PRRC2A: variants seen among roughly 807,000 people sequenced by gnomAD.
PRRC2A encodes proline rich coiled-coil 2A.
PRRC2A carries 59 observed loss-of-function variants against 224.6 expected under a neutral mutation model. That is an observed-to-expected ratio of 0.26 (90% CI 0.21 to 0.33). The LOEUF (loss-of-function observed/expected upper bound fraction) is 0.33. Among genes scored for constraint, PRRC2A ranks in the 10% least tolerant of loss-of-function variants. The probability of loss-of-function intolerance (pLI) is 1.00; values close to 1 mark genes in which losing one functional copy is unlikely to be tolerated. For missense variants in PRRC2A, 3,095 were observed against 2,880.7 expected (o/e 1.07, Z -1.70); for synonymous variants, 1,194 against 1,109.5 (o/e 1.08, Z -1.51).
intron 15 of PRRC2A, 49 bp downstream of exon 15, chr6:31,630,850 G>A (rs745900764): frequency 1.3e-5 from 20 of 1,591,778 alleles, no homozygotes; most frequent in Admixed American, 1.7e-5. Flanking sequence ...AAAGGATCTA[G>A]GCCTGGGAGA....
At position 31,634,229 on chromosome 6, in the gene PRRC2A, T is replaced by C. The variant is rs750063368; in HGVS notation, c.4720-7T>C. ...CATGTTTTGCTTCTGGCCCTTCTCA[T>C]CTGTAGGAATCTTTGCCACCTCCTC... On this transcript the variant is annotated splice_polypyrimidine_tract_variant and splice_region_variant and intron_variant, in intron 18 of 30. Transcript: ENST00000376033. The C allele has an allele frequency of 6.3e-7, 1 of 1,581,518 alleles. No individual in the cohort carries two copies. Among genetic ancestry groups the C allele is most frequent in the South Asian group, 1.2e-5 (1 of 86,828 alleles).
Position 31,629,298 on chromosome 6 carries a change from G to C in PRRC2A, c.1920G>C (p.Gln640His), listed in dbSNP as rs1172952274. The change falls in exon 13 of 31, where the codon CAG becomes CAC. Residue 640 changes from glutamine to histidine, a missense_variant. Physicochemically the swap from Gln to His is conservative, Grantham distance 24. Transcript: ENST00000376033. ...AGGGCTTGGGCTACCCCAAATATCAGAAGTCGTTGCCTCCTCGTTTCCAGC... is the reference window on the plus strand; with the variant it reads ...AGGGCTTGGGCTACCCCAAATATCACAAGTCGTTGCCTCCTCGTTTCCAGC... ...PSQGLGYPKY[Q>H]KSLPPRFQRQ... The C allele has an allele frequency of 6.3e-7, 1 of 1,583,342 alleles. No individual in the cohort carries two copies. Among genetic ancestry groups the C allele is most frequent in the Non-Finnish European group, 8.6e-7 (1 of 1,164,738 alleles).
rs771842295 is a variant in PRRC2A at position 31,623,866 on chromosome 6, G to A, written c.247G>A (p.Gly83Arg). The change falls in exon 3 of 31, where the codon GGA becomes AGA. Residue 83 changes from glycine (G) to arginine (R), a missense_variant. Coordinates refer to ENST00000376033, the MANE Select transcript of PRRC2A (RefSeq NM_004638.4). Reference sequence around the variant, plus strand: ...CAATGTCTCACTAGTGCCAAAAGACGGAACAGGATGGGCAAGCAAACAGGA... The same window carrying A: ...CAATGTCTCACTAGTGCCAAAAGACAGAACAGGATGGGCAAGCAAACAGGA... ...DPNVSLVPKD[G>R]TGWASKQEQS... 4 of 1,614,084 alleles carry A rather than the reference G, an allele frequency of 2.5e-6. No individual in the cohort carries two copies. Among genetic ancestry groups the A allele is most frequent in the East Asian group, 2.2e-5 (1 of 44,896 alleles).
intron 15 of PRRC2A, 97 bp downstream of exon 15, chr6:31,630,898 G>C: frequency 6.9e-7 from 1 of 1,452,718 alleles, no homozygotes; most frequent in Non-Finnish European, 9.4e-7. Flanking sequence ...AGGGATGAAC[G>C]GGAAAGGAGA....
At position 31,623,738 on chromosome 6, in the gene PRRC2A, C is replaced by T; in HGVS notation, c.119C>T (p.Pro40Leu). Residue 40 changes from proline to leucine, a missense_variant, in exon 3 of 31, where the codon CCT becomes CTT. By Grantham distance (98) the Pro-to-Leu change is moderately conservative. Transcript: ENST00000376033. ...TCTCCGTCTTGTTCTCCAGTTGCCC[C>T]TCGCCATGGCCTGCAGAGTCTCGGG... ...SLEIQKPAVA[P>L]RHGLQSLGKV... 1 of 1,614,122 alleles carries T rather than the reference C, an allele frequency of 6.2e-7. No homozygotes were observed. Among genetic ancestry groups the T allele is most frequent in the Non-Finnish European group, 8.5e-7 (1 of 1,179,980 alleles).
At chr6:31,621,740 C>T (rs1403031594) in intron 1 of PRRC2A, among the ~76,000 whole-genome samples, 1 of 152,208 alleles carries the variant, frequency 6.6e-6, no homozygotes, top group African/African-American at 2.4e-5. Context: ...TTCTTCCCCA[C>T]TATTTCTCAT....
chr6:31,621,789 C>T (rs1321375088), intron 1 of PRRC2A, among the ~76,000 whole-genome samples: 1 of 152,174 alleles, frequency 6.6e-6, no homozygotes, highest in Non-Finnish European at 1.5e-5. Flanking sequence ...AATGCCTGGT[C>T]ACTCTGGAAT....
At position 31,622,861 on chromosome 6, in the gene PRRC2A, T is replaced by A; in HGVS notation, c.72T>A (p.Asp24Glu). 1 of 1,614,038 alleles carries A rather than the reference T, an allele frequency of 6.2e-7. No homozygotes were observed. Among genetic ancestry groups the A allele is most frequent in the Admixed American group, 1.7e-5 (1 of 59,964 alleles). ...GKKYSSLNLF[D>E]TYKGKSLEIQ... ...AGTATTCCTCGCTCAACCTGTTTGATACGTATAAGGGCAAGTCCTTAGAGA... is the reference window on the plus strand; with the variant it reads ...AGTATTCCTCGCTCAACCTGTTTGAAACGTATAAGGGCAAGTCCTTAGAGA... The change falls in exon 2 of 31, where the codon GAT (aspartate) becomes GAA (glutamate). Residue 24 changes from aspartate (D) to glutamate (E), a missense_variant. Asp to Glu is a conservative substitution (Grantham distance 45). Transcript: ENST00000376033.
In PRRC2A at chr6:31,629,076, A is replaced by T. The variant is rs1776239129; in HGVS notation, c.1766-68A>T. 3 of 1,493,816 alleles carry T rather than the reference A, an allele frequency of 2.0e-6. No individual in the cohort carries two copies. The Admixed American group carries it at 5.2e-5, about 26-fold the overall frequency. The allele number at this position is 1,493,816 out of a possible 1,614,324, so 92.5% of individuals were successfully genotyped here. On this transcript the variant is annotated intron_variant, in intron 12 of 30. Transcript: ENST00000376033. ...AAGGGAGCTAGAGATGAGACGTGAG[A>T]TTCCTGGGGTGTTCATGGAGTGTCT... is the stretch of plus-strand genomic sequence containing the variant.
rs1408128211 is a variant in PRRC2A, at chr6:31,635,165, C to T, written c.5194C>T (p.Pro1732Ser). 6.2e-7 allele frequency: 1 copy of T among 1,612,784 alleles called. No individual in the cohort carries two copies. Among genetic ancestry groups the T allele is most frequent in the Admixed American group, 1.7e-5 (1 of 59,990 alleles). ...LPREQPLPPG[P>S]IGTERSQRTD... ...CCGGGAGCAGCCTCTGCCCCCTGGC[C>T]CCATTGGCACAGAACGATCACAGCG... The change falls in exon 22 of 31, where the codon CCC (proline) becomes TCC (serine). Residue 1732 changes from proline (P) to serine (S), a missense_variant. Pro to Ser is a moderately conservative substitution (Grantham distance 74, BLOSUM62 -1). Coordinates refer to ENST00000376033, the MANE Select transcript of PRRC2A (RefSeq NM_004638.4).
chr6:31,630,249 G>A (rs2736162), intron 14 of PRRC2A, among the ~76,000 whole-genome samples: 3 of 152,204 alleles, frequency 2.0e-5, no homozygotes, highest in Non-Finnish European at 2.9e-5. Context: ...CCCAGGAGGT[G>A]GAGGTTGTAG....
In PRRC2A at chr6:31,628,202, C is replaced by T; in HGVS notation, c.1728C>T (p.Thr576=). The change falls in exon 12 of 31, where the codon ACC becomes ACT. Residue 576 remains threonine, a synonymous_variant. Transcript: ENST00000376033. ...CTCTGGTGAGTGGTGGTGGCAGTAC[C>T]AGTAGCACCAGCAGTGGCAGCTTCG... ...APTLVSGGGS[T]SSTSSGSFEA... The T allele has an allele frequency of 6.2e-7, 1 of 1,612,564 alleles. No individual in the cohort carries two copies. Among genetic ancestry groups the T allele is most frequent in the Non-Finnish European group, 8.5e-7 (1 of 1,179,954 alleles).
chr6:31,636,322 G>A lies in PRRC2A; in HGVS notation c.5738G>A (p.Gly1913Glu), dbSNP rs1292222033. Residue 1913 changes from glycine to glutamate, a missense_variant, in exon 26 of 31, where the codon GGG (glycine) becomes GAG (glutamate). By Grantham distance (98) the Gly-to-Glu change is moderately conservative. This residue lies in a region of PRRC2A where 662 missense variants were observed against 609.5 expected (regional missense o/e 1.09). Transcript: ENST00000376033. This position sits in a 1 kb window ranked among gnomAD's most constrained non-coding sequence, Gnocchi z 4.3. ...DFSTMQATEL[G>E]KLPAGGVLYP... Reference sequence around the variant, plus strand: ...TCCACAATGCAAGCTACAGAGCTGGGGAAGTTGCCGGCTGGAGGAGTTCTC... The same window carrying A: ...TCCACAATGCAAGCTACAGAGCTGGAGAAGTTGCCGGCTGGAGGAGTTCTC... 1 of 1,613,030 alleles carries A rather than the reference G, an allele frequency of 6.2e-7. No individual in the cohort carries two copies. The highest frequency in any genetic ancestry group is 1.1e-5 in the South Asian group (1 of 91,084).
Position 31,633,558 on chromosome 6 carries a change from A to G in PRRC2A, c.4499A>G (p.Lys1500Arg). The change falls in exon 17 of 31, where the codon AAG becomes AGG. Residue 1500 changes from lysine to arginine, a missense_variant. Coordinates refer to ENST00000376033, the MANE Select transcript of PRRC2A (RefSeq NM_004638.4). ...VTAPGGHPRH[K>R]PGLPQAPQGP... ...GCACCAGGGGGTCATCCAAGGCACA[A>G]GCCTGGGCTTCCCCAAGCCCCTCAG... The G allele has an allele frequency of 6.2e-7, 1 of 1,613,012 alleles. No homozygotes were observed. The highest frequency in any genetic ancestry group is 8.5e-7 in the Non-Finnish European group (1 of 1,179,944).
chr6:31,631,401 G>C lies in PRRC2A; in HGVS notation c.2728G>C (p.Gly910Arg), dbSNP rs781039842. Reference sequence around the variant, plus strand: ...GCCTGCCCGCGGAGTCGGGAGTGGAGGCCAGGGCCCCCCACCACCACGCAG... The same window carrying C: ...GCCTGCCCGCGGAGTCGGGAGTGGACGCCAGGGCCCCCCACCACCACGCAG... Reference protein sequence around the residue: ...RKPARGVGSGGQGPPPPRRES... With the variant: ...RKPARGVGSGRQGPPPPRRES... Residue 910 changes from glycine to arginine, a missense_variant, in exon 16 of 31, where the codon GGC becomes CGC. By Grantham distance (125) the Gly-to-Arg change is moderately radical. Around this residue, in one of 8 missense-constraint regions of PRRC2A, gnomAD observed 2,001 missense variants for 1,764.9 expected, o/e 1.13. Transcript: ENST00000376033. This position sits in a 1 kb window ranked among gnomAD's most constrained non-coding sequence, Gnocchi z 4.5. The C allele has an allele frequency of 6.2e-7, 1 of 1,608,948 alleles. No homozygotes were observed. The highest frequency in any genetic ancestry group is 1.7e-5 in the Admixed American group (1 of 58,976).
Position 31,629,752 on chromosome 6 carries a change from C to A in PRRC2A, c.2161C>A (p.Pro721Thr), listed in dbSNP as rs775847922. 2.5e-6 allele frequency: 4 copies of A among 1,611,750 alleles called. No homozygotes were observed. The South Asian group carries it at 3.3e-5, about 13-fold the overall frequency. The change falls in exon 14 of 31, where the codon CCC becomes ACC. Residue 721 changes from proline to threonine, a missense_variant. By Grantham distance (38) the Pro-to-Thr change is conservative (BLOSUM62 -1). Around this residue, in one of 8 missense-constraint regions of PRRC2A, gnomAD observed 2,001 missense variants for 1,764.9 expected, o/e 1.13. Transcript: ENST00000376033. ...PPPMPPMNFD[P>T]RWMMIPPYVD... ...ACCCATGCCCCCAATGAACTTTGAT[C>A]CCCGATGGATGATGATTCCTCCTTA...
intron 1 of PRRC2A, among the ~76,000 whole-genome samples, chr6:31,622,269 G>A (rs939922505): frequency 1.3e-5 from 2 of 152,206 alleles, no homozygotes; most frequent in Non-Finnish European, 2.9e-5. Context: ...GCATGATTAG[G>A]GAGCTTGTGT....
chr6:31,635,668 C>A lies in PRRC2A; in HGVS notation c.5460C>A (p.His1820Gln). 1 of 1,612,936 alleles carries A rather than the reference C, an allele frequency of 6.2e-7. No individual in the cohort carries two copies. The highest frequency in any genetic ancestry group is 8.5e-7 in the Non-Finnish European group (1 of 1,179,958). The change falls in exon 24 of 31, where the codon CAC (histidine) becomes CAA (glutamine). Residue 1820 changes from histidine (H) to glutamine (Q), a missense_variant. Transcript: ENST00000376033. ...AATCCAAGAACCTGGATTCTGGGCA[C>A]TGTGTCCCGGAGCCCAGCTCCTCAG... ...EPQSKNLDSG[H>Q]CVPEPSSSGQ...
intron 2 of PRRC2A, 145 bp downstream of exon 2, chr6:31,623,046 A>G (rs1775472771): frequency 1.2e-6 from 1 of 802,224 alleles, no homozygotes; most frequent in Non-Finnish European, 2.2e-6. Flanking sequence ...GGGTCCTTTA[A>G]AGGGGGTGTG....
Sources: allele counts gnomAD v4.1 joint callset (sites outside exome capture counted in the v4.1 genomes callset), GRCh38; gene constraint gnomAD v4.1.1; regional missense constraint gnomAD v4.1.1; non-coding constraint Gnocchi (gnomAD v3.1); transcripts MANE v1.5; gene names NCBI Gene and HGNC (gene_info 2026-07-23, HGNC 2026-07-21).